Variants in GATB observed in about 807,000 individuals in gnomAD.
GATB encodes the protein glutamyl-tRNA(Gln) amidotransferase subunit B, mitochondrial.
Under a neutral mutation model 62.3 loss-of-function variants are expected in GATB, and 39 were observed. That is an observed-to-expected ratio of 0.63 (90% CI 0.48 to 0.82). The LOEUF is 0.82. Ranked by LOEUF, GATB falls within the 40% of genes least tolerant of loss-of-function variation. The pLI is 0.00. For synonymous variants in GATB, 276 were observed against 258.9 expected, an observed-to-expected ratio of 1.07 and a Z score of -0.63; for missense variants, 670 against 684.0, an observed-to-expected ratio of 0.98 and a Z score of 0.23.
intron 9 of GATB, among the ~76,000 whole-genome samples, chr4:151,696,672 G>A (rs747591425): frequency 3.9e-5 from 6 of 152,192 alleles, no homozygotes; most frequent in African/African-American, 9.6e-5. Flanking sequence ...TTAAAAAGTC[G>A]TACAATGTGA....
intron 9 of GATB, among the ~76,000 whole-genome samples, chr4:151,692,255 G>A (rs950570261): frequency 1.6e-4 from 25 of 152,126 alleles, no homozygotes; most frequent in Non-Finnish European, 2.9e-4. Context: ...AAACCTCTGC[G>A]GTTTGTGCTT....
At chr4:151,747,378 A>G (rs954084015) in intron 2 of GATB, among the ~76,000 whole-genome samples, 2 of 152,164 alleles carry the variant, frequency 1.3e-5, no homozygotes, top group Non-Finnish European at 2.9e-5. Context: ...CATAGGTGAA[A>G]AAGAGTCTTG....
At position 151,717,007 on chromosome 4, in the gene GATB, C is replaced by T; in HGVS notation, c.509G>A (p.Cys170Tyr). The T allele has an allele frequency of 6.2e-7, 1 of 1,614,154 alleles. No homozygotes were observed. Among genetic ancestry groups the T allele is most frequent in the Non-Finnish European group, 8.5e-7 (1 of 1,180,040 alleles). Residue 170 changes from cysteine (C) to tyrosine (Y), a missense_variant, in exon 4 of 13, where the codon TGT (cysteine) becomes TAT (tyrosine). Coordinates refer to ENST00000263985, the MANE Select transcript of GATB (RefSeq NM_004564.3). ...AVNGSLIYGV[C>Y]AGKKQSQVIP... ...CACCTGACTCTGCTTCTTCCCTGCA[C>T]AGACGCCATATATCAAGCTCCCATT...
chr4:151,737,258 T>A (rs1026022908), intron 2 of GATB, among the ~76,000 whole-genome samples: 2 of 152,330 alleles, frequency 1.3e-5, no homozygotes, highest in Middle Eastern at 6.8e-3. Context: ...GATGAGGAAC[T>A]TGTTGCAAAC....
intron 2 of GATB, among the ~76,000 whole-genome samples, chr4:151,735,235 G>GAAAAAAAAAAA (rs530781519): frequency 1.0e-5 from 1 of 98,796 alleles, no homozygotes; most frequent in Non-Finnish European, 2.3e-5. Flanking sequence ...AAATCAGTAA[G>GAAAAAAAAAAA]AAAAAAAAAA....
intron 2 of GATB, among the ~76,000 whole-genome samples, chr4:151,757,339 C>T (rs1193646954): frequency 6.6e-6 from 1 of 152,108 alleles, no homozygotes; most frequent in Non-Finnish European, 1.5e-5. Flanking sequence ...AAGATGCTGC[C>T]CCAATACAAC....
At chr4:151,708,466 C>A (rs1738758090) in intron 5 of GATB, among the ~76,000 whole-genome samples, 1 of 151,966 alleles carries the variant, frequency 6.6e-6, no homozygotes, top group South Asian at 2.1e-4. Flanking sequence ...CAGTTTTATA[C>A]TGAAGTTTTT....
At chr4:151,760,299 T>C (rs975309607) in intron 1 of GATB, among the ~76,000 whole-genome samples, 2 of 152,180 alleles carry the variant, frequency 1.3e-5, no homozygotes, top group African/African-American at 4.8e-5. Flanking sequence ...TTTGGCTGCG[T>C]CCTCCTAGGT....
chr4:151,681,857 C>A (rs1480134330), intron 10 of GATB, among the ~76,000 whole-genome samples: 1 of 152,164 alleles, frequency 6.6e-6, no homozygotes, highest in Non-Finnish European at 1.5e-5. Flanking sequence ...AGCGAGGGAG[C>A]TCTCAGAAGT....
chr4:151,739,429 G>A (rs60684121), intron 2 of GATB, among the ~76,000 whole-genome samples: 1,572 of 152,162 alleles, frequency 0.01, 20 homozygotes, highest in African/African-American at 0.036. Context: ...TCCTAACTTT[G>A]CCAAGATTTT....
At chr4:151,720,650 A>G (rs991900837) in intron 2 of GATB, 1 of 152,208 alleles carries the variant, frequency 6.6e-6, no homozygotes, top group Non-Finnish European at 1.5e-5. Flanking sequence ...CCTCACAGCA[A>G]CGCTGTAAAA....
chr4:151,739,949 G>A (rs192807701), intron 2 of GATB, among the ~76,000 whole-genome samples: 1 of 152,348 alleles, frequency 6.6e-6, no homozygotes, highest in Non-Finnish European at 1.5e-5. Context: ...CTGGCGACAT[G>A]ATAAGCTTTC....
intron 10 of GATB, among the ~76,000 whole-genome samples, chr4:151,686,642 T>C (rs1578900287): frequency 3.7e-4 from 27 of 73,460 alleles, no homozygotes; most frequent in South Asian, 1.1e-3. Flanking sequence ...GTGTCACCAG[T>C]CCCCGCCCCG....
At chr4:151,729,999 G>A (rs1438617541) in intron 2 of GATB, among the ~76,000 whole-genome samples, 5 of 152,118 alleles carry the variant, frequency 3.3e-5, no homozygotes, top group African/African-American at 1.2e-4. Flanking sequence ...TACAGGACCC[G>A]GGAGACACCC....
chr4:151,683,371 C>T (rs150927892), intron 10 of GATB, among the ~76,000 whole-genome samples: 30 of 152,270 alleles, frequency 2.0e-4, no homozygotes, highest in African/African-American at 3.6e-4. Flanking sequence ...GGGGCTGCAC[C>T]GTAAGCTCCT....
intron 9 of GATB, 57 bp from the exon 10 acceptor site, chr4:151,688,820 C>G: frequency 6.5e-7 from 1 of 1,527,484 alleles, no homozygotes; most frequent in East Asian, 2.3e-5. Flanking sequence ...GAAAGATCAG[C>G]ATTCTGAAGG....
intron 2 of GATB, among the ~76,000 whole-genome samples, chr4:151,732,110 G>T (rs560948550): frequency 7.1e-6 from 1 of 140,572 alleles, no homozygotes; most frequent in Non-Finnish European, 1.6e-5. Flanking sequence ...GGTGGGGGGA[G>T]CCTCCGCCCG....
intron 6 of GATB, among the ~76,000 whole-genome samples, chr4:151,707,468 A>T (rs933033120): frequency 6.6e-6 from 1 of 151,848 alleles, no homozygotes; most frequent in Admixed American, 6.6e-5. Flanking sequence ...TAAATTTTTA[A>T]TTTTTTATAG....
At chr4:151,720,539 G>A (rs1035779301) in intron 2 of GATB, 1 of 152,094 alleles carries the variant, frequency 6.6e-6, no homozygotes, top group Non-Finnish European at 1.5e-5. Context: ...TTCTATTTTT[G>A]TTAGGATATT....
Sources: allele counts gnomAD v4.1 joint callset (sites outside exome capture counted in the v4.1 genomes callset), GRCh38; gene constraint gnomAD v4.1.1; transcripts MANE v1.5; gene names NCBI Gene and HGNC (gene_info 2026-07-23, HGNC 2026-07-21).